PIP5K1B: variants seen among roughly 807,000 people sequenced by gnomAD.
PIP5K1B encodes the protein phosphatidylinositol 4-phosphate 5-kinase type-1 beta.
PIP5K1B carries 42 observed loss-of-function variants against 67.0 expected under a neutral mutation model. The ratio of observed to expected loss-of-function variants is 0.63; its 90% CI spans 0.49 to 0.81. The LOEUF is 0.81. Among genes scored for constraint, PIP5K1B ranks in the 30% least tolerant of loss-of-function variants. The probability of loss-of-function intolerance (pLI) is 0.00; values close to 1 mark genes in which losing one functional copy is unlikely to be tolerated. For synonymous variants in PIP5K1B, 214 were observed against 231.4 expected (o/e 0.92, Z 0.68); for missense variants, 459 against 646.3 (o/e 0.71, Z 3.14).
Position 68,725,002 on chromosome 9 carries a change from T to TA in PIP5K1B, c.-242-17490dup, listed in dbSNP as rs1050667894. 3.3e-3 allele frequency among the ~76,000 whole-genome samples: 500 copies of TA among 151,604 alleles called. 2 individuals carry two copies. The highest frequency in any genetic ancestry group is 0.011 in the African/African-American group (444 of 41,340). On this transcript the variant is annotated intron_variant, in intron 1 of 15. Coordinates refer to ENST00000265382, the MANE Select transcript of PIP5K1B (RefSeq NM_003558.4). ...TTGGCTGAATGTTCTATTTCTGACT[T>TA]AAAAAAAAAGTGAATTAGCAAGAAG...
At chr9:68,934,190 C>G (rs1002096675) in intron 12 of PIP5K1B, among the ~76,000 whole-genome samples, 24 of 152,200 alleles carry the variant, frequency 1.6e-4, no homozygotes, top group African/African-American at 5.8e-4. Flanking sequence ...TCCATGAAGT[C>G]CCAGGCTTCA....
At chr9:68,837,495 A>T (rs1344915521) in intron 4 of PIP5K1B, among the ~76,000 whole-genome samples, 2 of 151,878 alleles carry the variant, frequency 1.3e-5, no homozygotes, top group African/African-American at 2.4e-5. Context: ...ATTATTATTT[A>T]TGAATACCCT....
At chr9:68,906,848 C>T (rs1028164632) in intron 8 of PIP5K1B, among the ~76,000 whole-genome samples, 12 of 152,198 alleles carry the variant, frequency 7.9e-5, no homozygotes, top group Non-Finnish European at 5.9e-5. Flanking sequence ...CAAATGATGA[C>T]GGGAGTTCTT....
At chr9:68,744,126 A>G (rs767043805) in intron 2 of PIP5K1B, among the ~76,000 whole-genome samples, 3 of 152,206 alleles carry the variant, frequency 2.0e-5, no homozygotes, top group Non-Finnish European at 4.4e-5. Flanking sequence ...GTTGCCATAG[A>G]TACTGAAGGC....
At chr9:68,888,152 G>A (rs377737854) in intron 6 of PIP5K1B, among the ~76,000 whole-genome samples, 38 of 151,988 alleles carry the variant, frequency 2.5e-4, no homozygotes, top group African/African-American at 8.7e-4. Context: ...CCAATTTTTT[G>A]TATTTTTTGT....
intron 15 of PIP5K1B, among the ~76,000 whole-genome samples, chr9:69,001,043 C>T (rs981456004): frequency 1.3e-5 from 2 of 151,802 alleles, no homozygotes; most frequent in Admixed American, 6.6e-5. Flanking sequence ...GAATTATAGG[C>T]GCACGCCACC....
intron 2 of PIP5K1B, among the ~76,000 whole-genome samples, chr9:68,814,127 A>G (rs1440322401): frequency 6.6e-6 from 1 of 152,148 alleles, no homozygotes; most frequent in Non-Finnish European, 1.5e-5. Context: ...GAAGGCCATG[A>G]CCTAGGCTAA....
rs1169859881 is a variant in PIP5K1B, at chr9:68,822,294, T to TC, written c.1-319dup. The TC allele has an allele frequency of 7.3e-5, 14 of 192,332 alleles. No homozygotes were observed. The South Asian group carries it at 1.0e-3, about 14-fold the overall frequency. 11.9% of individuals were successfully genotyped at this position (192,332 alleles called of 1,614,324 possible). ...CATGATCACACCACTGCATTCCAAT[T>TC]CCAGCCTGGGTGATAGAGTGAAACC... On this transcript the variant is annotated intron_variant, in intron 3 of 15. Transcript: ENST00000265382.
chr9:68,735,488 A>C (rs971708596), intron 1 of PIP5K1B, among the ~76,000 whole-genome samples: 3 of 152,058 alleles, frequency 2.0e-5, no homozygotes, highest in Non-Finnish European at 4.4e-5. Flanking sequence ...TCCCGGGTTC[A>C]AGCTATTCTT....
Position 68,809,105 on chromosome 9 carries a change from TA to T in PIP5K1B, c.-85-9350del, listed in dbSNP as rs1301901788. 5.3e-5 allele frequency among the ~76,000 whole-genome samples: 8 copies of T among 152,348 alleles called. No homozygotes were observed. The East Asian group carries it at 9.6e-4, about 18-fold the overall frequency. On this transcript the variant is annotated intron_variant, in intron 2 of 15. Coordinates refer to ENST00000265382, the MANE Select transcript of PIP5K1B (RefSeq NM_003558.4). Reference sequence around the variant, plus strand: ...TTTGAGAGTTTATGCAAATATTCTTTAAAAAACTCTAAGCCTATAGTTTCTT... The same window carrying T: ...TTTGAGAGTTTATGCAAATATTCTTTAAAAACTCTAAGCCTATAGTTTCTT...
intron 14 of PIP5K1B, among the ~76,000 whole-genome samples, chr9:68,985,286 C>T (rs1830053669): frequency 6.7e-6 from 1 of 150,330 alleles, no homozygotes; most frequent in Admixed American, 6.6e-5. Flanking sequence ...GAGTCTCACT[C>T]TGTCGCCCAG....
chr9:68,854,366 G>C (rs141155422), intron 4 of PIP5K1B, among the ~76,000 whole-genome samples: 2 of 152,120 alleles, frequency 1.3e-5, no homozygotes, highest in Admixed American at 1.3e-4. Context: ...CTAGGCCCAG[G>C]TGATCCTCCT....
chr9:68,915,641 C>A (rs1320701138), intron 8 of PIP5K1B, among the ~76,000 whole-genome samples: 1 of 152,132 alleles, frequency 6.6e-6, no homozygotes, highest in Non-Finnish European at 1.5e-5. Flanking sequence ...TGACATCACT[C>A]CTCCTTCCAT....
At chr9:68,903,162 T>A (rs1056200343) in intron 8 of PIP5K1B, among the ~76,000 whole-genome samples, 2 of 152,250 alleles carry the variant, frequency 1.3e-5, no homozygotes. Flanking sequence ...CTGTGGGAAC[T>A]GTGGAACCTC....
intron 2 of PIP5K1B, among the ~76,000 whole-genome samples, chr9:68,818,146 T>C (rs1415942912): frequency 1.3e-5 from 2 of 152,252 alleles, no homozygotes; most frequent in Non-Finnish European, 2.9e-5. Flanking sequence ...GCTTTGCTTT[T>C]ATCTTTTGCG....
intron 15 of PIP5K1B, among the ~76,000 whole-genome samples, chr9:68,995,436 T>G (rs762903964): frequency 1.3e-5 from 2 of 152,324 alleles, no homozygotes; most frequent in African/African-American, 2.4e-5. Flanking sequence ...TTTTTTGTTT[T>G]GCGTGCTCTT....
intron 1 of PIP5K1B, among the ~76,000 whole-genome samples, chr9:68,732,439 A>G (rs987029698): frequency 1.3e-5 from 2 of 152,222 alleles, no homozygotes; most frequent in Admixed American, 6.5e-5. Flanking sequence ...TTGGGATTCA[A>G]AGGAAATTCA....
chr9:68,989,152 T>A (rs75006208), intron 14 of PIP5K1B, among the ~76,000 whole-genome samples: 6 of 151,828 alleles, frequency 4.0e-5, no homozygotes, highest in Non-Finnish European at 7.4e-5. Context: ...GTTTTTTTTT[T>A]AATATTAAAA....
intron 13 of PIP5K1B, among the ~76,000 whole-genome samples, chr9:68,936,937 GC>G (rs1336718972): frequency 4.6e-5 from 7 of 152,270 alleles, no homozygotes; most frequent in Non-Finnish European, 7.4e-5. Context: ...TGTTGAACCA[GC>G]CTTGCATCCC....
Sources: gnomAD v4.1 joint callset for allele counts (sites outside exome capture counted in the v4.1 genomes callset) on GRCh38, gnomAD v4.1.1 for gene constraint, MANE v1.5 for transcripts, NCBI Gene and HGNC (gene_info 2026-07-23, HGNC 2026-07-21) for gene names.